BRIP1: variants seen among roughly 807,000 people sequenced by gnomAD.
The protein encoded by BRIP1 is Fanconi anemia group J protein.
BRIP1 carries 88 observed loss-of-function variants against 119.7 expected under a neutral mutation model. The ratio of observed to expected loss-of-function variants is 0.74; its 90% CI spans 0.62 to 0.88. The LOEUF (loss-of-function observed/expected upper bound fraction) is 0.88. Ranked by LOEUF, BRIP1 falls within the 40% of genes least tolerant of loss-of-function variation. The pLI, the probability that BRIP1 is intolerant of heterozygous loss-of-function variation, is 0.00. For synonymous variants in BRIP1, 443 were observed against 496.5 expected (o/e 0.89, Z 1.43); for missense variants, 1,259 against 1,455.4 (o/e 0.87, Z 2.20).
In BRIP1 at chr17:61,685,969, T is replaced by C. The variant is rs730881625; in HGVS notation, c.2772A>G (p.Glu924=). The change falls in exon 19 of 20, where the codon GAA becomes GAG. Residue 924 remains glutamate (E), a synonymous_variant. Transcript: ENST00000259008. The stretch of plus-strand genomic sequence containing the variant: ...TTTCTGGTGATAGATGACTTGCTGC[T>C]TCCAGTAAATAAGGTGAGGTACTGT... ...LKYSTSPYLL[E]AASHLSPENF... is the part of the protein sequence containing the mutation. The C allele has an allele frequency of 6.2e-7, 1 of 1,614,058 alleles. No homozygotes were observed. The highest frequency in any genetic ancestry group is 8.5e-7 in the Non-Finnish European group (1 of 1,179,928).
At position 61,832,899 on chromosome 17, in the gene BRIP1, AG is replaced by A. The variant is rs1313994246; in HGVS notation, c.627+14201del. ...TTTGCTTATAAGACATAGACACTAA[AG>A]TATTTCAGGGTGAGGGAACATCAGG... On this transcript the variant is annotated intron_variant, in intron 6 of 19. Transcript: ENST00000259008. The surrounding 1 kb of genome is among the most constrained non-coding windows in gnomAD (Gnocchi z 5.5). Among the ~76,000 whole-genome samples the A allele has an allele frequency of 6.6e-6, 1 of 152,236 alleles. No homozygotes were observed. Among genetic ancestry groups the A allele is most frequent in the African/African-American group, 2.4e-5 (1 of 41,464 alleles).
At chr17:61,764,094 C>T (rs1481013002) in intron 14 of BRIP1, among the ~76,000 whole-genome samples, 2 of 152,188 alleles carry the variant, frequency 1.3e-5, no homozygotes, top group African/African-American at 2.4e-5. Context: ...AAATAAAATA[C>T]ATTGTAGCTC....
chr17:61,784,538 G>A (rs2077675340), intron 10 of BRIP1, 114 bp from the exon 11 acceptor site: 1 of 970,668 alleles, frequency 1.0e-6, no homozygotes, highest in East Asian at 2.4e-5. Context: ...TAGGTGAACA[G>A]AATTGCTATA....
rs1345442740 is a variant in BRIP1, at chr17:61,841,682, A to G, written c.627+5419T>C. On this transcript the variant is annotated intron_variant, in intron 6 of 19. Coordinates refer to ENST00000259008, the MANE Select transcript of BRIP1 (RefSeq NM_032043.3). This position sits in a 1 kb window ranked among gnomAD's most constrained non-coding sequence, Gnocchi z 4.1. ...AAATATTACTACCATATAATCATAT[A>G]ATCCAGCAATCCTACTACTATTTAT... 6.6e-6 allele frequency among the ~76,000 whole-genome samples: 1 copy of G among 152,172 alleles called. No homozygotes were observed. Among genetic ancestry groups the G allele is most frequent in the African/African-American group, 2.4e-5 (1 of 41,446 alleles).
chr17:61,828,576 A>G lies in BRIP1; in HGVS notation c.627+18525T>C, dbSNP rs1326202808. 6.6e-6 allele frequency among the ~76,000 whole-genome samples: 1 copy of G among 152,216 alleles called. No individual in the cohort carries two copies. Among genetic ancestry groups the G allele is most frequent in the African/African-American group, 2.4e-5 (1 of 41,472 alleles). ...TATATATTTTACCATTAAAAACATG[A>G]AGGTAAGAAAAAAAGCTGAAAAAAT... On this transcript the variant is annotated intron_variant, in intron 6 of 19. Transcript: ENST00000259008. The surrounding 1 kb of genome is among the most constrained non-coding windows in gnomAD (Gnocchi z 4.1).
At chr17:61,791,327 A>T (rs1328670918) in intron 10 of BRIP1, among the ~76,000 whole-genome samples, 1 of 151,716 alleles carries the variant, frequency 6.6e-6, no homozygotes, top group Non-Finnish European at 1.5e-5. Flanking sequence ...TGTCTCTACC[A>T]AAAATACAAA....
Position 61,809,139 on chromosome 17 carries a change from G to A in BRIP1, c.628-382C>T, listed in dbSNP as rs533131909. On this transcript the variant is annotated intron_variant, in intron 6 of 19. Transcript: ENST00000259008. This position sits in a 1 kb window ranked among gnomAD's most constrained non-coding sequence, Gnocchi z 5.2. ...CGAACTTGTGATATTATAGTTTAGA[G>A]TTAATAGTTTTGTTCACAGCATAGT... Among the ~76,000 whole-genome samples, 66 of 152,244 alleles carry A rather than the reference G, an allele frequency of 4.3e-4. No homozygotes were observed. Among genetic ancestry groups the A allele is most frequent in the African/African-American group, 1.6e-3 (66 of 41,562 alleles).
In BRIP1 at chr17:61,831,226, A is replaced by G. The variant is rs768074549; in HGVS notation, c.627+15875T>C. The stretch of plus-strand genomic sequence containing the variant: ...ACAAGGTTGTGAACAAGGCAAGGGT[A>G]TCCACTCTCATCACTCTAATTCAGC... On this transcript the variant is annotated intron_variant, in intron 6 of 19. Transcript: ENST00000259008. The surrounding 1 kb of genome is among the most constrained non-coding windows in gnomAD (Gnocchi z 4.1). 6.3e-4 allele frequency among the ~76,000 whole-genome samples: 96 copies of G among 152,338 alleles called. No homozygotes were observed. The highest frequency in any genetic ancestry group is 1.2e-3 in the Non-Finnish European group (85 of 68,022).
Position 61,861,829 on chromosome 17 carries a change from A to G in BRIP1, c.-30-260T>C. ...TTCGGGAAAGTTAGTTACCTTCTCT[A>G]AGCCACAGTGACTGCATGTACCCCA... On this transcript the variant is annotated intron_variant, in intron 1 of 19. Coordinates refer to ENST00000259008, the MANE Select transcript of BRIP1 (RefSeq NM_032043.3). The surrounding 1 kb of genome is among the most constrained non-coding windows in gnomAD (Gnocchi z 4.5). 4.1e-6 allele frequency: 2 copies of G among 488,138 alleles called. No homozygotes were observed. Among genetic ancestry groups the G allele is most frequent in the East Asian group, 3.9e-5 (1 of 25,806 alleles). 30.2% of individuals were successfully genotyped at this position (488,138 alleles called of 1,614,324 possible). A position where few individuals can be genotyped will look rare whatever the true frequency, so the allele number is the denominator to read the frequency against.
intron 13 of BRIP1, among the ~76,000 whole-genome samples, chr17:61,779,341 C>G (rs2077579293): frequency 6.6e-6 from 1 of 152,202 alleles, no homozygotes; most frequent in South Asian, 2.1e-4. Context: ...ACTCAGGAGG[C>G]TGAGGCAGGT....
rs1317864095 is a variant in BRIP1 at position 61,799,799 on chromosome 17, T to G, written c.1141-500A>C. Among the ~76,000 whole-genome samples the G allele has an allele frequency of 6.6e-6, 1 of 152,058 alleles. No individual in the cohort carries two copies. Among genetic ancestry groups the G allele is most frequent in the Non-Finnish European group, 1.5e-5 (1 of 68,012 alleles). On this transcript the variant is annotated intron_variant, in intron 8 of 19. Transcript: ENST00000259008. The surrounding 1 kb of genome is among the most constrained non-coding windows in gnomAD (Gnocchi z 5.1). ...TCTTAAAATACTAACATAATATATATGTTTTGTTTTAATCTGTCCTGCAAT... is the reference window on the plus strand; with the variant it reads ...TCTTAAAATACTAACATAATATATAGGTTTTGTTTTAATCTGTCCTGCAAT...
chr17:61,802,597 C>CA lies in BRIP1; in HGVS notation c.919-1124dup, dbSNP rs2078012657. ...TCTGTCTAGCGTATTAAAAATCATACAAGGAAAATCTTGACATCACTAAGC... is the reference window on the plus strand; with the variant it reads ...TCTGTCTAGCGTATTAAAAATCATACAAAGGAAAATCTTGACATCACTAAGC... On this transcript the variant is annotated intron_variant, in intron 7 of 19. Transcript: ENST00000259008. This position sits in a 1 kb window ranked among gnomAD's most constrained non-coding sequence, Gnocchi z 6.0. Among the ~76,000 whole-genome samples the CA allele has an allele frequency of 6.6e-6, 1 of 152,160 alleles. No individual in the cohort carries two copies. The highest frequency in any genetic ancestry group is 2.4e-5 in the African/African-American group (1 of 41,446).
At position 61,824,604 on chromosome 17, in the gene BRIP1, C is replaced by T. The variant is rs1191315696; in HGVS notation, c.628-15847G>A. Among the ~76,000 whole-genome samples the T allele has an allele frequency of 2.0e-5, 3 of 152,164 alleles. No homozygotes were observed. The highest frequency in any genetic ancestry group is 4.4e-5 in the Non-Finnish European group (3 of 68,022). ...AAATGGTGCAGGGAAACCTGGATAT[C>T]TACACACAAACAATGAAGTTGCACC... On this transcript the variant is annotated intron_variant, in intron 6 of 19. Coordinates refer to ENST00000259008, the MANE Select transcript of BRIP1 (RefSeq NM_032043.3). This position sits in a 1 kb window ranked among gnomAD's most constrained non-coding sequence, Gnocchi z 4.3.
Position 61,683,155 on chromosome 17 carries a change from G to A in BRIP1, c.*141C>T. ...CAAAAAAAAAAACCCAAAAACTCAA[G>A]AATAATAACATTTACATTTCTGAAC... On this transcript the variant is annotated 3_prime_UTR_variant, in exon 20 of 20. Transcript: ENST00000259008. This position sits in a 1 kb window ranked among gnomAD's most constrained non-coding sequence, Gnocchi z 4.7. 1 of 1,086,760 alleles carries A rather than the reference G, an allele frequency of 9.2e-7. No individual in the cohort carries two copies. The highest frequency in any genetic ancestry group is 1.3e-6 in the Non-Finnish European group (1 of 768,988). The allele number at this position is 1,086,760 out of a possible 1,614,324, so 67.3% of individuals were successfully genotyped here.
intron 10 of BRIP1, among the ~76,000 whole-genome samples, chr17:61,785,059 G>A (rs2077685198): frequency 6.6e-6 from 1 of 152,128 alleles, no homozygotes; most frequent in African/African-American, 2.4e-5. Context: ...GTATTTAGAA[G>A]ATTCAATCAG....
intron 11 of BRIP1, among the ~76,000 whole-genome samples, chr17:61,781,814 A>C (rs899799183): frequency 6.6e-6 from 1 of 151,290 alleles, no homozygotes; most frequent in African/African-American, 2.4e-5. Flanking sequence ...CCAGCTACTC[A>C]GGAGGCTGAG....
chr17:61,779,069 T>C (rs1402162918), intron 13 of BRIP1, among the ~76,000 whole-genome samples: 1 of 152,186 alleles, frequency 6.6e-6, no homozygotes. Context: ...TCTATACATT[T>C]CCACAAAAAT....
intron 18 of BRIP1, among the ~76,000 whole-genome samples, chr17:61,692,771 G>T (rs2061466458): frequency 6.6e-6 from 1 of 152,164 alleles, no homozygotes; most frequent in African/African-American, 2.4e-5. Context: ...GTGTGCTATT[G>T]GTGGGAATGT....
chr17:61,766,493 C>G (rs994897907), intron 14 of BRIP1, among the ~76,000 whole-genome samples: 1 of 152,056 alleles, frequency 6.6e-6, no homozygotes, highest in Non-Finnish European at 1.5e-5. Context: ...GAAATTTCAG[C>G]CTTCTACACG....
Sources: allele counts gnomAD v4.1 joint callset (sites outside exome capture counted in the v4.1 genomes callset), GRCh38; gene constraint gnomAD v4.1.1; non-coding constraint Gnocchi (gnomAD v3.1); transcripts MANE v1.5; gene names NCBI Gene and HGNC (gene_info 2026-07-23, HGNC 2026-07-21).